KCNQ4: variants seen among roughly 807,000 people sequenced by gnomAD.
KCNQ4 encodes potassium voltage-gated channel subfamily Q member 4, also known as potassium voltage-gated channel subfamily KQT member 4.
In KCNQ4, 31 loss-of-function variants were observed where a neutral mutation model predicts 72.6. The ratio of observed to expected loss-of-function variants is 0.43; its 90% CI spans 0.32 to 0.58. The LOEUF is 0.58. Among genes scored for constraint, KCNQ4 ranks in the 20% least tolerant of loss-of-function variants. The pLI is 0.08. For synonymous variants in KCNQ4, 405 were observed against 403.7 expected (o/e 1.00, Z -0.04); for missense variants, 869 against 962.6 (o/e 0.90, Z 1.29).
At chr1:40,799,605 G>A (rs1007538003) in intron 1 of KCNQ4, among the ~76,000 whole-genome samples, 2 of 152,210 alleles carry the variant, frequency 1.3e-5, no homozygotes, top group Non-Finnish European at 2.9e-5. Flanking sequence ...GTCATGGCAG[G>A]AGGCCCTGGC....
Position 40,835,130 on chromosome 1 carries a change from G to C in KCNQ4, c.1745+32G>C, listed in dbSNP as rs754360151. 1.1e-5 allele frequency: 17 copies of C among 1,606,440 alleles called. No individual in the cohort carries two copies. The Admixed American group carries it at 2.8e-4, about 27-fold the overall frequency. ...GCACCGGGCCTGTTGGGAGGCAGGG[G>C]CAGGGAGGCAGCGACCCCAGCCCTG... On this transcript the variant is annotated intron_variant, in intron 12 of 13. Transcript: ENST00000347132.
chr1:40,819,918 C>T lies in KCNQ4; in HGVS notation c.878C>T (p.Thr293Ile). The change falls in exon 6 of 14, where the codon ACA (threonine) becomes ATA (isoleucine). Residue 293 changes from threonine (T) to isoleucine (I), a missense_variant. By Grantham distance (89) the Thr-to-Ile change is moderately conservative. This residue lies in a region of KCNQ4 where 13 missense variants were observed against 46.0 expected (regional missense o/e 0.28). Coordinates refer to ENST00000347132, the MANE Select transcript of KCNQ4 (RefSeq NM_004700.4). ...TIGYGDKTPHTWLGRVLAAGF... is the reference protein window; with the variant it reads ...TIGYGDKTPHIWLGRVLAAGF... ...GGCTATGGTGACAAGACACCGCACA[C>T]ATGGCTGGGCAGGGTCCTGGCTGCT... is the stretch of plus-strand genomic sequence containing the variant. 6.2e-7 allele frequency: 1 copy of T among 1,614,222 alleles called. No individual in the cohort carries two copies. The highest frequency in any genetic ancestry group is 8.5e-7 in the Non-Finnish European group (1 of 1,180,018).
Position 40,838,445 on chromosome 1 carries a change from C to T in KCNQ4, c.2010C>T (p.Ser670=). 1 of 1,614,156 alleles carries T rather than the reference C, an allele frequency of 6.2e-7. No homozygotes were observed. Among genetic ancestry groups the T allele is most frequent in the Non-Finnish European group, 8.5e-7 (1 of 1,179,978 alleles). The part of the protein sequence containing the change: ...FDPDITSDYH[S]PVDHEDISVS... ...CCGACATCACCTCCGACTACCACAG[C>T]CCTGTGGACCACGAGGACATCTCCG... is the stretch of plus-strand genomic sequence containing the variant. Residue 670 remains serine, a synonymous_variant, in exon 14 of 14, where the codon AGC becomes AGT. Coordinates refer to ENST00000347132, the MANE Select transcript of KCNQ4 (RefSeq NM_004700.4).
intron 1 of KCNQ4, among the ~76,000 whole-genome samples, chr1:40,799,391 A>T (rs1647508201): frequency 6.6e-6 from 1 of 152,102 alleles, no homozygotes; most frequent in Non-Finnish European, 1.5e-5. Flanking sequence ...CCTTCCTGGA[A>T]AAATTTGGCT....
intron 10 of KCNQ4, among the ~76,000 whole-genome samples, chr1:40,832,409 G>C (rs1380483327): frequency 1.3e-5 from 2 of 152,184 alleles, no homozygotes; most frequent in African/African-American, 4.8e-5. Flanking sequence ...TGGTGCCCAG[G>C]ACCTCCCTTC....
intron 1 of KCNQ4, among the ~76,000 whole-genome samples, chr1:40,798,367 G>A (rs1254158040): frequency 6.6e-6 from 1 of 152,220 alleles, no homozygotes; most frequent in Admixed American, 6.5e-5. Flanking sequence ...GCCTTAGCTC[G>A]AGGTCCAAAA....
chr1:40,830,908 C>A (rs1021483474), intron 9 of KCNQ4, among the ~76,000 whole-genome samples, 176 bp from the exon 10 acceptor site: 3 of 152,154 alleles, frequency 2.0e-5, no homozygotes, highest in Non-Finnish European at 4.4e-5. Flanking sequence ...GAATCAGCCT[C>A]TTGTAGGAGT....
intron 1 of KCNQ4, among the ~76,000 whole-genome samples, chr1:40,790,368 G>C (rs1647259823): frequency 6.6e-6 from 1 of 152,150 alleles, no homozygotes; most frequent in Admixed American, 6.5e-5. Context: ...TTCTCCTCCG[G>C]GGAGAGGTGT....
chr1:40,800,555 C>T (rs1406916861), intron 1 of KCNQ4, among the ~76,000 whole-genome samples: 1 of 152,186 alleles, frequency 6.6e-6, no homozygotes, highest in Non-Finnish European at 1.5e-5. Flanking sequence ...ACCCACCTAC[C>T]TCTGCAGCAA....
Position 40,833,066 on chromosome 1 carries a change from G to A in KCNQ4, c.1566G>A (p.Thr522=), listed in dbSNP as rs562506361. ...AEEKSYQCEL[T]VDDIMPAVKT... ...AGAAGAGCTACCAGTGTGAGCTCAC[G>A]GTGGACGACATCATGCCTGCTGTGA... Residue 522 remains threonine, a synonymous_variant, in exon 11 of 14, where the codon ACG becomes ACA. Coordinates refer to ENST00000347132, the MANE Select transcript of KCNQ4 (RefSeq NM_004700.4). The A allele has an allele frequency of 2.9e-5, 47 of 1,613,250 alleles. 1 individual carries two copies. The highest frequency in any genetic ancestry group is 5.0e-5 in the Admixed American group (3 of 60,008).
chr1:40,817,246 C>T lies in KCNQ4; in HGVS notation c.315-19C>T, dbSNP rs750623489. ...GTCCCTCCAACAATCTAACCCTCTC[C>T]CTCATGTTGTAATTGCAGATTTTTG... On this transcript the variant is annotated intron_variant, in intron 1 of 13. Transcript: ENST00000347132. The surrounding 1 kb of genome is among the most constrained non-coding windows in gnomAD (Gnocchi z 5.5). 1.4e-5 allele frequency: 23 copies of T among 1,607,610 alleles called. No individual in the cohort carries two copies. The Admixed American group carries it at 3.3e-4, about 23-fold the overall frequency.
chr1:40,836,663 G>A (rs1648813257), intron 12 of KCNQ4, among the ~76,000 whole-genome samples: 1 of 152,210 alleles, frequency 6.6e-6, no homozygotes, highest in Non-Finnish European at 1.5e-5. Flanking sequence ...GACTGTAAAG[G>A]AGAGGTCAGG....
chr1:40,834,888 T>C (rs1648764389), intron 11 of KCNQ4, 79 bp from the exon 12 acceptor site: 2 of 1,585,790 alleles, frequency 1.3e-6, no homozygotes, highest in Middle Eastern at 1.7e-4. Flanking sequence ...GACAAGGGGA[T>C]AGCAAAGAGA....
intron 4 of KCNQ4, 126 bp downstream of exon 4, chr1:40,818,806 G>A: frequency 1.8e-6 from 2 of 1,096,302 alleles, no homozygotes; most frequent in Non-Finnish European, 2.7e-6. Flanking sequence ...GCCTGCGGGG[G>A]TTGGAGCCCT....
chr1:40,838,521 T>G lies in KCNQ4; in HGVS notation c.2086T>G (p.Ter696GlyextTer22), dbSNP rs748770400. The G allele has an allele frequency of 1.9e-6, 3 of 1,613,852 alleles. No homozygotes were observed. The highest frequency in any genetic ancestry group is 2.5e-6 in the Non-Finnish European group (3 of 1,179,822). Residue 696 changes from the stop codon to glycine, a stop_lost, in exon 14 of 14, where the codon TGA becomes GGA. Coordinates refer to ENST00000347132, the MANE Select transcript of KCNQ4 (RefSeq NM_004700.4). ...ISRSVSTNMD[*>G] is the part of the protein sequence containing the mutation. ...CCGCTCGGTCAGCACCAACATGGAC[T>G]GAGGGACTTCTCAGAGGCAGGGCAG...
chr1:40,820,097 C>A, intron 6 of KCNQ4, 68 bp from the exon 7 acceptor site: 1 of 1,527,288 alleles, frequency 6.5e-7, no homozygotes, highest in Non-Finnish European at 9.0e-7. Context: ...AGGATGGGGA[C>A]ACCCTTGCAG....
intron 1 of KCNQ4, among the ~76,000 whole-genome samples, chr1:40,791,589 C>T (rs1303633766): frequency 6.6e-6 from 1 of 152,156 alleles, no homozygotes; most frequent in East Asian, 1.9e-4. Context: ...GCTGGGAATC[C>T]GTGGGCAGCG....
intron 1 of KCNQ4, among the ~76,000 whole-genome samples, chr1:40,807,666 C>T (rs936092717): frequency 6.6e-6 from 1 of 152,220 alleles, no homozygotes; most frequent in African/African-American, 2.4e-5. Context: ...AAGTGCCTGT[C>T]AAGTCTAGCT....
chr1:40,835,673 C>T (rs1487749506), intron 12 of KCNQ4, among the ~76,000 whole-genome samples: 1 of 152,180 alleles, frequency 6.6e-6, no homozygotes, highest in Non-Finnish European at 1.5e-5. Context: ...CAGCAGAGTT[C>T]CCACACTTAT....
Sources: allele counts gnomAD v4.1 joint callset (sites outside exome capture counted in the v4.1 genomes callset), GRCh38; gene constraint gnomAD v4.1.1; regional missense constraint gnomAD v4.1.1; non-coding constraint Gnocchi (gnomAD v3.1); transcripts MANE v1.5; gene names NCBI Gene and HGNC (gene_info 2026-07-23, HGNC 2026-07-21).